The following GPS1 variants were observed in gnomAD, a reference collection of about 807,000 sequenced individuals.
GPS1 encodes COP9 signalosome complex subunit 1.
Under a neutral mutation model 60.0 loss-of-function variants are expected in GPS1, and 11 were observed. The ratio of observed to expected loss-of-function variants is 0.18; its 90% CI spans 0.12 to 0.30. The LOEUF (loss-of-function observed/expected upper bound fraction) is 0.30, where lower values mean the gene tolerates loss of function less well. Ranked by LOEUF, GPS1 falls within the 10% of genes least tolerant of loss-of-function variation. GPS1 has a pLI of 1.00. For missense variants in GPS1, 543 were observed against 669.2 expected, an observed-to-expected ratio of 0.81 and a Z score of 2.08; for synonymous variants, 343 against 269.8, an observed-to-expected ratio of 1.27 and a Z score of -2.66.
intron 1 of GPS1, chr17:82,052,823 T>A: frequency 3.1e-6 from 1 of 321,718 alleles, no homozygotes; most frequent in South Asian, 3.7e-5. Flanking sequence ...CAGCCCAGTA[T>A]TGCTGCTCCG....
rs1456266762 is a variant in GPS1, at chr17:82,057,300, C to T, written c.*173C>T. On this transcript the variant is annotated 3_prime_UTR_variant, in exon 13 of 13. Coordinates refer to ENST00000578552, the MANE Select transcript of GPS1 (RefSeq NM_001321092.3). ...GGAGGCAGGCGGCTGCTAGTTGTGG[C>T]CCTTCCTGGAAGGAGAGGCCTGCAG... The T allele has an allele frequency of 5.7e-6, 5 of 873,244 alleles. No homozygotes were observed. The highest frequency in any genetic ancestry group is 1.4e-5 in the South Asian group (1 of 70,224). The allele number at this position is 873,244 out of a possible 1,614,324, so 54.1% of individuals were successfully genotyped here. A position where few individuals can be genotyped will look rare whatever the true frequency, so the allele number is the denominator to read the frequency against.
chr17:82,057,127 A>G lies in GPS1; in HGVS notation c.1464A>G (p.Ter488TrpextTer32). The G allele has an allele frequency of 6.4e-7, 1 of 1,569,078 alleles. No homozygotes were observed. Among genetic ancestry groups the G allele is most frequent in the Non-Finnish European group, 8.7e-7 (1 of 1,155,532 alleles). The change falls in exon 13 of 13, where the codon TGA (stop) becomes TGG (tryptophan). Residue 488 changes from the stop codon to tryptophan (W), a stop_lost. Coordinates refer to ENST00000578552, the MANE Select transcript of GPS1 (RefSeq NM_001321092.3). The stretch of plus-strand genomic sequence containing the variant: ...AGTCCCGGATGAGCACCAACATGTG[A>G]GGGGTGAACCTTGGCCTCCAGGACA... ...NSQSRMSTNM[*>W]
At position 82,056,394 on chromosome 17, in the gene GPS1, G is replaced by A. The variant is rs1243995522; in HGVS notation, c.1035+3G>A. 6.2e-7 allele frequency: 1 copy of A among 1,611,002 alleles called. No homozygotes were observed. The highest frequency in any genetic ancestry group is 8.5e-7 in the Non-Finnish European group (1 of 1,178,996). On this transcript the variant is annotated splice_donor_region_variant and intron_variant, in intron 9 of 12. Transcript: ENST00000578552. ...TCAAGATGCTGGACGAGATGAAGGT[G>A]GGCCCCGCCTGGGGTAGGGGTGAGG...
chr17:82,053,703 G>C (rs2031720899), intron 2 of GPS1, 165 bp from the exon 3 acceptor site: 1 of 697,868 alleles, frequency 1.4e-6, no homozygotes, highest in Non-Finnish European at 2.3e-6. Flanking sequence ...GGTCTTCGTA[G>C]CTCCTGGGAC....
At chr17:82,055,426 C>G (rs1005097959) in intron 6 of GPS1, 11 of 638,330 alleles carry the variant, frequency 1.7e-5, no homozygotes, top group Non-Finnish European at 3.1e-5. Flanking sequence ...CAGGGTCTGG[C>G]TGCTGTCACT....
chr17:82,052,804 C>T, intron 1 of GPS1: 1 of 350,294 alleles, frequency 2.9e-6, no homozygotes, highest in Non-Finnish European at 5.4e-6. Context: ...AACTCCGTGG[C>T]GTGACTCTCA....
intron 3 of GPS1, 160 bp downstream of exon 3, chr17:82,054,209 G>A: frequency 1.3e-6 from 1 of 768,288 alleles, no homozygotes; most frequent in Non-Finnish European, 2.0e-6. Context: ...GAAGTGCCCT[G>A]TGTGTGTGTG....
chr17:82,057,414 C>T lies in GPS1; in HGVS notation c.*287C>T, dbSNP rs1403827817. 3 of 625,626 alleles carry T rather than the reference C, an allele frequency of 4.8e-6. No individual in the cohort carries two copies. Among genetic ancestry groups the T allele is most frequent in the East Asian group, 3.2e-5 (1 of 31,186 alleles). The allele number at this position is 625,626 out of a possible 1,614,324, so 38.8% of individuals were successfully genotyped here. A position where few individuals can be genotyped will look rare whatever the true frequency, so the allele number is the denominator to read the frequency against. On this transcript the variant is annotated 3_prime_UTR_variant, in exon 13 of 13. Coordinates refer to ENST00000578552, the MANE Select transcript of GPS1 (RefSeq NM_001321092.3). Reference sequence around the variant, plus strand: ...CCATTTCCCAGACCCCTCCTGTTCCCGCCTCAGTCAGGTGCAGACAAGTGG... The same window carrying T: ...CCATTTCCCAGACCCCTCCTGTTCCTGCCTCAGTCAGGTGCAGACAAGTGG...
chr17:82,054,139 C>T (rs2031895068), intron 3 of GPS1, 90 bp downstream of exon 3: 2 of 1,395,468 alleles, frequency 1.4e-6, no homozygotes, highest in East Asian at 2.5e-5. Context: ...CCCTGCATCT[C>T]CCACCCCTGT....
Position 82,057,350 on chromosome 17 carries a change from C to G in GPS1, c.*223C>G, listed in dbSNP as rs761425733. 2 of 713,690 alleles carry G rather than the reference C, an allele frequency of 2.8e-6. No homozygotes were observed. Among genetic ancestry groups the G allele is most frequent in the Non-Finnish European group, 5.0e-6 (2 of 396,566 alleles). The allele number at this position is 713,690 out of a possible 1,614,324, so 44.2% of individuals were successfully genotyped here. On this transcript the variant is annotated 3_prime_UTR_variant, in exon 13 of 13. Transcript: ENST00000578552. ...GGGCTCGACCCTGTGGGTTTCTGTC[C>G]CCAGGGAGCAGACTGTGCGGCACCC...
upstream of GPS1, chr17:82,051,017 C>A (rs137964839): frequency 2.1e-6 from 3 of 1,402,864 alleles, no homozygotes; most frequent in African/African-American, 4.4e-5. The surrounding 1 kb of genome is among the most constrained non-coding windows in gnomAD (Gnocchi z 4.1). Context: ...CTGACCTGGC[C>A]TGGAAGGGCG....
upstream of GPS1, chr17:82,051,719 G>T (rs2030652430): frequency 1.0e-5 from 11 of 1,047,904 alleles, no homozygotes; most frequent in Admixed American, 5.6e-5. The surrounding 1 kb of genome is among the most constrained non-coding windows in gnomAD (Gnocchi z 4.1). Context: ...CCAGGGCCGC[G>T]GCCAGCGCGA....
chr17:82,053,579 A>G, intron 2 of GPS1: 3 of 517,742 alleles, frequency 5.8e-6, no homozygotes, highest in African/African-American at 3.9e-5. Context: ...AAGCCAGGGC[A>G]GGTCTCCTCC....
At chr17:82,051,541 G>A, upstream of GPS1, 2 of 1,400,048 alleles carry the variant, frequency 1.4e-6, no homozygotes, top group South Asian at 1.5e-5. The surrounding 1 kb of genome is among the most constrained non-coding windows in gnomAD (Gnocchi z 4.1). Flanking sequence ...AGCAGCAGCC[G>A]CAGGCGCGGC....
upstream of GPS1, chr17:82,051,023 G>A (rs2030468090): frequency 5.7e-6 from 8 of 1,397,460 alleles, no homozygotes; most frequent in Middle Eastern, 2.6e-4. This position sits in a 1 kb window ranked among gnomAD's most constrained non-coding sequence, Gnocchi z 4.1. Context: ...TGGCCTGGAA[G>A]GGCGGATTCC....
chr17:82,056,349 G>A lies in GPS1; in HGVS notation c.993G>A (p.Glu331=). The A allele has an allele frequency of 6.2e-7, 1 of 1,613,402 alleles. No individual in the cohort carries two copies. The highest frequency in any genetic ancestry group is 2.2e-5 in the East Asian group (1 of 44,884). Residue 331 remains glutamate (E), a synonymous_variant, in exon 9 of 13, where the codon GAG becomes GAA. Coordinates refer to ENST00000578552, the MANE Select transcript of GPS1 (RefSeq NM_001321092.3). ...GAGACATCATCTTCAAATTCTACGA[G>A]TCCAAGTACGCCTCATGTCTCAAGA... ...QVRDIIFKFY[E]SKYASCLKML... is the part of the protein sequence containing the mutation.
chr17:82,054,863 G>T (rs574941019), intron 4 of GPS1, 35 bp from the exon 5 acceptor site: 2 of 1,568,270 alleles, frequency 1.3e-6, no homozygotes, highest in Non-Finnish European at 1.7e-6. Context: ...CCATTGGGGC[G>T]CCCGGGCTCA....
At chr17:82,051,026 C>T (rs2030468811), upstream of GPS1, 6 of 1,394,626 alleles carry the variant, frequency 4.3e-6, no homozygotes, top group East Asian at 2.7e-5. The surrounding 1 kb of genome is among the most constrained non-coding windows in gnomAD (Gnocchi z 4.1). Flanking sequence ...CCTGGAAGGG[C>T]GGATTCCCTG....
chr17:82,052,156 G>A, intron 1 of GPS1, 192 bp downstream of exon 1: 1 of 1,126,536 alleles, frequency 8.9e-7, no homozygotes, highest in Non-Finnish European at 1.2e-6. Context: ...TGCGCGCTGC[G>A]ATCGGGGGCC....
Sources: gnomAD v4.1 joint callset for allele counts on GRCh38, gnomAD v4.1.1 for gene constraint, Gnocchi (gnomAD v3.1) non-coding constraint, MANE v1.5 for transcripts, NCBI Gene and HGNC (gene_info 2026-07-23, HGNC 2026-07-21) for gene names.